Variants in ASAP1 observed in about 807,000 individuals in gnomAD.
The protein encoded by ASAP1 is arf-GAP with SH3 domain, ANK repeat and PH domain-containing protein 1.
In ASAP1, 43 loss-of-function variants were observed where a neutral mutation model predicts 145.2. The ratio of observed to expected loss-of-function variants is 0.30; its 90% CI spans 0.23 to 0.38. The LOEUF (loss-of-function observed/expected upper bound fraction) is 0.38. Among genes scored for constraint, ASAP1 ranks in the 10% least tolerant of loss-of-function variants. The probability of loss-of-function intolerance (pLI) is 1.00; values close to 1 mark genes in which losing one functional copy is unlikely to be tolerated. For synonymous variants in ASAP1, 546 were observed against 515.5 expected (o/e 1.06, Z -0.80); for missense variants, 1,018 against 1,355.3 (o/e 0.75, Z 3.91).
At chr8:130,205,397 A>C (rs558125799) in intron 5 of ASAP1, among the ~76,000 whole-genome samples, 19 of 151,760 alleles carry the variant, frequency 1.3e-4, no homozygotes, top group South Asian at 4.2e-4. Flanking sequence ...AAAAAAAAAA[A>C]AAACAAAAAC....
At chr8:130,385,494 G>T (rs1033375271) in intron 2 of ASAP1, among the ~76,000 whole-genome samples, 1 of 152,206 alleles carries the variant, frequency 6.6e-6, no homozygotes, top group Admixed American at 6.5e-5. Context: ...TCCCAATTTT[G>T]TGGCTCAGCG....
intron 25 of ASAP1, among the ~76,000 whole-genome samples, chr8:130,085,711 A>C (rs2097491193): frequency 6.8e-6 from 1 of 147,286 alleles, no homozygotes; most frequent in South Asian, 2.2e-4. Context: ...CTCCAGCCTA[A>C]GCGACAGAAC....
chr8:130,295,795 A>G (rs1487865317), intron 3 of ASAP1, among the ~76,000 whole-genome samples: 2 of 152,166 alleles, frequency 1.3e-5, no homozygotes, highest in African/African-American at 4.8e-5. Flanking sequence ...TTTTCCTATC[A>G]ATCCCTAACT....
At chr8:130,168,395 A>G (rs2097684477) in intron 10 of ASAP1, among the ~76,000 whole-genome samples, 1 of 152,208 alleles carries the variant, frequency 6.6e-6, no homozygotes, top group South Asian at 2.1e-4. Flanking sequence ...TTGTAATCCC[A>G]GCACTTTGGG....
chr8:130,241,566 TA>T (rs1365927472), intron 3 of ASAP1, among the ~76,000 whole-genome samples: 1 of 152,098 alleles, frequency 6.6e-6, no homozygotes, highest in Non-Finnish European at 1.5e-5. Context: ...GTAGGCAACA[TA>T]AGACTTGCTT....
chr8:130,409,308 T>C (rs1829166953), intron 1 of ASAP1, among the ~76,000 whole-genome samples: 1 of 152,118 alleles, frequency 6.6e-6, no homozygotes, highest in Non-Finnish European at 1.5e-5. Flanking sequence ...TTCTTGAATG[T>C]AAATGCTGAG....
At chr8:130,225,980 T>C (rs1817563810) in intron 4 of ASAP1, among the ~76,000 whole-genome samples, 1 of 151,762 alleles carries the variant, frequency 6.6e-6, no homozygotes, top group African/African-American at 2.4e-5. Flanking sequence ...CTGGCTCAAG[T>C]GATATTCCCA....
chr8:130,332,707 T>C (rs1824773861), intron 3 of ASAP1, among the ~76,000 whole-genome samples: 1 of 152,234 alleles, frequency 6.6e-6, no homozygotes, highest in Non-Finnish European at 1.5e-5. Flanking sequence ...CTGATTTTCT[T>C]TCTACTTCTC....
chr8:130,148,222 A>T lies in ASAP1; in HGVS notation c.1080+4514T>A, dbSNP rs199704701. Among the ~76,000 whole-genome samples, 53 of 74,330 alleles carry T rather than the reference A, an allele frequency of 7.1e-4. 1 individual carries two copies. The East Asian group carries it at 0.063, about 89-fold the overall frequency. 48.8% of individuals were successfully genotyped at this position (74,330 alleles called of 152,430 possible). A position where few individuals can be genotyped will look rare whatever the true frequency, so the allele number is the denominator to read the frequency against. On this transcript the variant is annotated intron_variant, in intron 13 of 29. Transcript: ENST00000518721. ...CCTAACAACAATCTGGCAGCTGAGG[A>T]AAAAAAAACCCTATGATACAGTAGA...
At chr8:130,118,417 T>C in intron 19 of ASAP1, 72 bp downstream of exon 19, 6 of 1,484,964 alleles carry the variant, frequency 4.0e-6, no homozygotes, top group South Asian at 2.5e-5. Flanking sequence ...TATGGTATAA[T>C]GTTAAAATAA....
intron 3 of ASAP1, among the ~76,000 whole-genome samples, chr8:130,241,281 G>A (rs1049907493): frequency 6.6e-6 from 1 of 152,026 alleles, no homozygotes; most frequent in African/African-American, 2.4e-5. Context: ...GCCCACCCAA[G>A]GGTTACTCTC....
intron 24 of ASAP1, among the ~76,000 whole-genome samples, chr8:130,099,961 A>G (rs962684060): frequency 4.7e-4 from 71 of 152,282 alleles, no homozygotes; most frequent in African/African-American, 1.5e-3. Context: ...TGTAAATAGC[A>G]CTGCAGTAAA....
At chr8:130,099,177 C>CT (rs2097524339) in intron 24 of ASAP1, among the ~76,000 whole-genome samples, 1 of 151,088 alleles carries the variant, frequency 6.6e-6, no homozygotes, top group African/African-American at 2.4e-5. Context: ...CCAGGCCTAG[C>CT]TAATTTTTTT....
chr8:130,060,595 G>A lies in ASAP1; in HGVS notation c.3176C>T (p.Pro1059Leu). The change falls in exon 28 of 30, where the codon CCC (proline) becomes CTC (leucine). Residue 1059 changes from proline to leucine, a missense_variant. Coordinates refer to ENST00000518721, the MANE Select transcript of ASAP1 (RefSeq NM_018482.4). ...PTLPETPVPL[P>L]RKINTGKNKV... ...CCCACCCACCGTATTGATTTTTCTGGGCAGTGGTACGGGCGTCTCTGGCAG... is the reference window on the plus strand; with the variant it reads ...CCCACCCACCGTATTGATTTTTCTGAGCAGTGGTACGGGCGTCTCTGGCAG... The A allele has an allele frequency of 6.2e-7, 1 of 1,611,474 alleles. No individual in the cohort carries two copies. Among genetic ancestry groups the A allele is most frequent in the Non-Finnish European group, 8.5e-7 (1 of 1,178,646 alleles).
At chr8:130,172,786 G>A (rs748918131) in intron 9 of ASAP1, among the ~76,000 whole-genome samples, 3 of 152,122 alleles carry the variant, frequency 2.0e-5, no homozygotes, top group Admixed American at 6.5e-5. Flanking sequence ...GGAGAAAGAC[G>A]GAACTGTTTT....
intron 3 of ASAP1, among the ~76,000 whole-genome samples, chr8:130,313,103 C>T (rs947039476): frequency 2.6e-5 from 4 of 152,178 alleles, no homozygotes; most frequent in Admixed American, 6.5e-5. Context: ...TACATTTTCA[C>T]ATAACCAAGT....
chr8:130,115,350 C>T (rs1488603471), intron 23 of ASAP1, among the ~76,000 whole-genome samples: 1 of 152,170 alleles, frequency 6.6e-6, no homozygotes, highest in Non-Finnish European at 1.5e-5. Context: ...GCTGGCCTGC[C>T]CTGTGCATTT....
At chr8:130,369,538 A>T (rs1483686558) in intron 2 of ASAP1, among the ~76,000 whole-genome samples, 1 of 152,224 alleles carries the variant, frequency 6.6e-6, no homozygotes, top group African/African-American at 2.4e-5. Flanking sequence ...AAAGAGATAA[A>T]TAACTAATTT....
At chr8:130,253,849 C>T (rs1434460661) in intron 3 of ASAP1, among the ~76,000 whole-genome samples, 5 of 152,028 alleles carry the variant, frequency 3.3e-5, no homozygotes, top group Admixed American at 2.6e-4. Context: ...GGTGAAACCC[C>T]GTCTCTACTA....
Sources: gnomAD v4.1 joint callset for allele counts (sites outside exome capture counted in the v4.1 genomes callset) on GRCh38, gnomAD v4.1.1 for gene constraint, MANE v1.5 for transcripts, NCBI Gene and HGNC (gene_info 2026-07-23, HGNC 2026-07-21) for gene names.